Variants in CACNA1A observed in about 807,000 individuals in gnomAD.
The protein encoded by CACNA1A is calcium voltage-gated channel subunit alpha1 A.
Under a neutral mutation model 262.4 loss-of-function variants are expected in CACNA1A, and 57 were observed. That is an observed-to-expected ratio of 0.22 (90% CI 0.18 to 0.27). CACNA1A has a LOEUF of 0.27. Among genes scored for constraint, CACNA1A ranks in the 10% least tolerant of loss-of-function variants. The pLI is 1.00. For missense variants in CACNA1A, 2,526 were observed against 3,562.8 expected, an observed-to-expected ratio of 0.71 and a Z score of 7.41; for synonymous variants, 1,431 against 1,419.3, an observed-to-expected ratio of 1.01 and a Z score of -0.18.
intron 24 of CACNA1A, chr19:13,273,750 A>G (rs1372078780): frequency 6.6e-6 from 1 of 151,942 alleles, no homozygotes; most frequent in African/African-American, 2.4e-5. Flanking sequence ...AATTTTTTAA[A>G]CTTTTTATTT....
At chr19:13,471,841 G>T (rs1978285489) in intron 1 of CACNA1A, among the ~76,000 whole-genome samples, 1 of 152,130 alleles carries the variant, frequency 6.6e-6, no homozygotes, top group Admixed American at 6.5e-5. Context: ...CTGGAGGGGT[G>T]GTGATGAAAA....
At position 13,241,402 on chromosome 19, in the gene CACNA1A, G is replaced by C; in HGVS notation, c.4950+3780C>G. The C allele has an allele frequency of 5.5e-6, 4 of 726,792 alleles. No homozygotes were observed. The Admixed American group carries it at 8.0e-5, about 15-fold the overall frequency. 45.0% of individuals were successfully genotyped at this position (726,792 alleles called of 1,614,324 possible). A position where few individuals can be genotyped will look rare whatever the true frequency, so the allele number is the denominator to read the frequency against. ...GACAGACAGAGGAGAGCGGAGGGTT[G>C]AGGAGAGCGTCAGGCATCCCACGTT... is the stretch of plus-strand genomic sequence containing the variant. On this transcript the variant is annotated intron_variant, in intron 31 of 46. Coordinates refer to ENST00000360228, the MANE Select transcript of CACNA1A (RefSeq NM_001127222.2). The surrounding 1 kb of genome is among the most constrained non-coding windows in gnomAD (Gnocchi z 4.0).
intron 1 of CACNA1A, among the ~76,000 whole-genome samples, chr19:13,470,908 T>C (rs1404669610): frequency 6.6e-6 from 1 of 152,210 alleles, no homozygotes; most frequent in East Asian, 1.9e-4. Context: ...AGGGCAGTCA[T>C]GACAAATTGC....
intron 6 of CACNA1A, among the ~76,000 whole-genome samples, chr19:13,336,913 G>A (rs976432977): frequency 3.3e-5 from 5 of 152,232 alleles, no homozygotes; most frequent in Non-Finnish European, 5.9e-5. Context: ...CTTGCCTCCA[G>A]CTGTCAGGGC....
chr19:13,453,044 T>C, intron 2 of CACNA1A, 29 bp from the exon 3 acceptor site: 1 of 1,613,540 alleles, frequency 6.2e-7, no homozygotes, highest in Non-Finnish European at 8.5e-7. Context: ...AAGGTCAGCG[T>C]CTTGGGCTGG....
intron 19 of CACNA1A, among the ~76,000 whole-genome samples, chr19:13,288,149 A>G (rs987765997): frequency 7.2e-5 from 11 of 152,066 alleles, no homozygotes; most frequent in Admixed American, 7.2e-4. Flanking sequence ...TGCCTAGTAC[A>G]GGGCCTCTCA....
chr19:13,452,271 A>C (rs2060930521), intron 3 of CACNA1A: 1 of 152,188 alleles, frequency 6.6e-6, no homozygotes, highest in Non-Finnish European at 1.5e-5. Context: ...CATTTCAACC[A>C]CAGTTCATCA....
At chr19:13,502,071 C>T (rs978458576) in intron 1 of CACNA1A, among the ~76,000 whole-genome samples, 4 of 151,668 alleles carry the variant, frequency 2.6e-5, no homozygotes, top group Non-Finnish European at 5.9e-5. Flanking sequence ...CATTCTATCT[C>T]TCAGGACAGG....
At chr19:13,292,573 C>T (rs148933844) in intron 19 of CACNA1A, among the ~76,000 whole-genome samples, 2 of 152,012 alleles carry the variant, frequency 1.3e-5, no homozygotes, top group African/African-American at 2.4e-5. Flanking sequence ...ATGATTGTAC[C>T]ACTGTACTCC....
In CACNA1A at chr19:13,241,572, A is replaced by C; in HGVS notation, c.4950+3610T>G. 2 of 511,274 alleles carry C rather than the reference A, an allele frequency of 3.9e-6. No homozygotes were observed. Among genetic ancestry groups the C allele is most frequent in the East Asian group, 6.0e-5 (1 of 16,760 alleles). 31.7% of individuals were successfully genotyped at this position (511,274 alleles called of 1,614,324 possible). On this transcript the variant is annotated intron_variant, in intron 31 of 46. Coordinates refer to ENST00000360228, the MANE Select transcript of CACNA1A (RefSeq NM_001127222.2). This position sits in a 1 kb window ranked among gnomAD's most constrained non-coding sequence, Gnocchi z 4.0. ...TGAGGGGGAGCGGGCGGGCGGGGGC[A>C]GTTGGGGAGGCGTGTTCAGCATTTT...
chr19:13,458,390 A>G (rs2061054420), intron 1 of CACNA1A, among the ~76,000 whole-genome samples: 1 of 151,624 alleles, frequency 6.6e-6, no homozygotes, highest in African/African-American at 2.4e-5. Flanking sequence ...CTCCTGGGCG[A>G]CCTTTCTTCC....
At chr19:13,439,577 T>G (rs1037045266) in intron 3 of CACNA1A, among the ~76,000 whole-genome samples, 11 of 149,840 alleles carry the variant, frequency 7.3e-5, no homozygotes, top group Admixed American at 2.0e-4. Context: ...TTTTTTTTTT[T>G]TTGTTTTGTA....
chr19:13,317,712 C>T (rs896679331), intron 10 of CACNA1A, among the ~76,000 whole-genome samples: 3 of 152,310 alleles, frequency 2.0e-5, no homozygotes, highest in African/African-American at 7.2e-5. Flanking sequence ...CTTGGAAGGC[C>T]TCCAGAAAGA....
chr19:13,489,003 CTTTTTTTTTTTTT>C (rs896790084), intron 1 of CACNA1A, among the ~76,000 whole-genome samples: 16 of 75,224 alleles, frequency 2.1e-4, no homozygotes, highest in South Asian at 1.5e-3. Flanking sequence ...CTTTTCTTTT[CTTTTTTTTTTTTT>C]TTTTTTTTTT....
Position 13,208,037 on chromosome 19 carries a change from C to T in CACNA1A, c.6797G>A (p.Ser2266Asn), listed in dbSNP as rs1418353135. Residue 2266 changes from serine to asparagine, a missense_variant, in exon 47 of 47, where the codon AGT becomes AAT. By Grantham distance (46) the Ser-to-Asn change is conservative. Around this residue, in one of 17 missense-constraint regions of CACNA1A, gnomAD observed 929 missense variants for 868.1 expected, o/e 1.07. Coordinates refer to ENST00000360228, the MANE Select transcript of CACNA1A (RefSeq NM_001127222.2). ...AGATGTTGAGGGGGCTGGGCTTCCA[C>T]TTACGGAACTACTGCCCTACACGAA... ...MAHRQGSSSV[S>N]GSPAPSTSGT... 2 of 1,299,676 alleles carry T rather than the reference C, an allele frequency of 1.5e-6. No individual in the cohort carries two copies. Among genetic ancestry groups the T allele is most frequent in the Non-Finnish European group, 1.9e-6 (2 of 1,028,376 alleles). 80.5% of individuals were successfully genotyped at this position (1,299,676 alleles called of 1,614,324 possible).
At chr19:13,255,014 C>T (rs2056506839) in intron 29 of CACNA1A, 81 bp downstream of exon 29, 1 of 1,456,758 alleles carries the variant, frequency 6.9e-7, no homozygotes, top group African/African-American at 1.4e-5. Context: ...TGGGAAACTG[C>T]AGATGGTTTC....
chr19:13,482,811 CCTCT>C (rs765164365), intron 1 of CACNA1A, among the ~76,000 whole-genome samples: 33 of 148,924 alleles, frequency 2.2e-4, no homozygotes, highest in Admixed American at 3.3e-4. Flanking sequence ...GGAAATGCTC[CCTCT>C]CTCTCTTTCT....
intron 25 of CACNA1A, chr19:13,261,820 C>G: frequency 1.8e-6 from 1 of 543,832 alleles, no homozygotes; most frequent in Non-Finnish European, 3.3e-6. Flanking sequence ...GGATCTAAAA[C>G]TCCCAGATGG....
At chr19:13,372,881 C>T (rs1360814825) in intron 3 of CACNA1A, among the ~76,000 whole-genome samples, 1 of 152,170 alleles carries the variant, frequency 6.6e-6, no homozygotes, top group East Asian at 1.9e-4. Flanking sequence ...AGGATGATAG[C>T]AGTAGGTGGG....
Sources: allele counts gnomAD v4.1 joint callset (sites outside exome capture counted in the v4.1 genomes callset), GRCh38; gene constraint gnomAD v4.1.1; regional missense constraint gnomAD v4.1.1; non-coding constraint Gnocchi (gnomAD v3.1); transcripts MANE v1.5; gene names NCBI Gene and HGNC (gene_info 2026-07-23, HGNC 2026-07-21).